The following PCSK2 variants were observed in gnomAD, a reference collection of about 807,000 sequenced individuals.
PCSK2 encodes the protein proprotein convertase subtilisin/kexin type 2, also known as neuroendocrine convertase 2.
Under a neutral mutation model 69.7 loss-of-function variants are expected in PCSK2, and 14 were observed. The observed-to-expected ratio is 0.20, with a 90% confidence interval of 0.13 to 0.31. The LOEUF (loss-of-function observed/expected upper bound fraction) is 0.31, where lower values mean the gene tolerates loss of function less well. PCSK2 is among the 10% of genes least tolerant of loss of function. The pLI, the probability that PCSK2 is intolerant of heterozygous loss-of-function variation, is 1.00. For synonymous variants in PCSK2, 307 were observed against 320.7 expected, an observed-to-expected ratio of 0.96 and a Z score of 0.46; for missense variants, 544 against 842.5, an observed-to-expected ratio of 0.65 and a Z score of 4.39.
chr20:17,226,841 G>T (rs1443324510), upstream of PCSK2: 2 of 143,622 alleles, frequency 1.4e-5, no homozygotes, highest in Admixed American at 1.4e-4. Context: ...GAAGGCGGAG[G>T]CGGCCGGGCC....
intron 2 of PCSK2, among the ~76,000 whole-genome samples, chr20:17,334,690 T>C (rs1233614810): frequency 6.6e-6 from 1 of 152,174 alleles, no homozygotes; most frequent in Non-Finnish European, 1.5e-5. Context: ...AAAATGTTCC[T>C]GCTCTGAGAG....
intron 1 of PCSK2, among the ~76,000 whole-genome samples, chr20:17,234,559 C>T (rs186269946): frequency 6.2e-4 from 94 of 152,224 alleles, no homozygotes; most frequent in African/African-American, 2.0e-3. Context: ...TCCCCAACTT[C>T]GATATTATCA....
At chr20:17,402,151 A>G (rs751915171) in intron 5 of PCSK2, among the ~76,000 whole-genome samples, 4 of 152,224 alleles carry the variant, frequency 2.6e-5, no homozygotes, top group African/African-American at 9.6e-5. Flanking sequence ...TCCTTCCTGC[A>G]ATACAGCTGC....
At chr20:17,288,850 C>G (rs1001697205) in intron 2 of PCSK2, among the ~76,000 whole-genome samples, 2 of 152,180 alleles carry the variant, frequency 1.3e-5, no homozygotes, top group African/African-American at 4.8e-5. Context: ...GTCTATGGTA[C>G]TTTGTTACAG....
chr20:17,303,446 T>C (rs1989171166), intron 2 of PCSK2, among the ~76,000 whole-genome samples: 1 of 54,048 alleles, frequency 1.9e-5, no homozygotes, highest in African/African-American at 7.4e-5. Flanking sequence ...TAATATAATA[T>C]ATATTATATT....
chr20:17,413,338 T>C (rs1429525465), intron 6 of PCSK2, among the ~76,000 whole-genome samples: 1 of 152,008 alleles, frequency 6.6e-6, no homozygotes, highest in Non-Finnish European at 1.5e-5. Context: ...TGGAGGAAGA[T>C]CTACCAAGCA....
At chr20:17,353,237 C>G (rs189287651) in intron 2 of PCSK2, among the ~76,000 whole-genome samples, 1 of 135,298 alleles carries the variant, frequency 7.4e-6, no homozygotes, top group Non-Finnish European at 1.6e-5. Flanking sequence ...CCAAGGCGGG[C>G]GGATCACGAG....
At chr20:17,367,577 G>A (rs753384359) in intron 4 of PCSK2, among the ~76,000 whole-genome samples, 1 of 152,176 alleles carries the variant, frequency 6.6e-6, no homozygotes, top group Non-Finnish European at 1.5e-5. Context: ...TTGCTGGGGG[G>A]ATGTTTCTTG....
intron 6 of PCSK2, among the ~76,000 whole-genome samples, chr20:17,414,973 C>G (rs920602068): frequency 1.3e-5 from 2 of 152,152 alleles, no homozygotes; most frequent in African/African-American, 4.8e-5. Context: ...AGGCCTTTGA[C>G]AAAATTCAAC....
intron 11 of PCSK2, among the ~76,000 whole-genome samples, chr20:17,476,036 A>T (rs2033283178): frequency 6.6e-6 from 1 of 152,228 alleles, no homozygotes; most frequent in East Asian, 1.9e-4. Flanking sequence ...GGAAAGCCCG[A>T]TTCTGGGCCT....
chr20:17,455,639 C>A (rs1033230055), intron 9 of PCSK2, among the ~76,000 whole-genome samples: 1 of 152,202 alleles, frequency 6.6e-6, no homozygotes, highest in Non-Finnish European at 1.5e-5. Flanking sequence ...GATGAAGTGG[C>A]CTTTGGCCTT....
At chr20:17,272,631 A>C (rs1987914667) in intron 2 of PCSK2, among the ~76,000 whole-genome samples, 1 of 152,102 alleles carries the variant, frequency 6.6e-6, no homozygotes, top group African/African-American at 2.4e-5. Context: ...GAAAAAAGTT[A>C]AATAGTACAA....
chr20:17,249,327 A>G (rs953978734), intron 1 of PCSK2, among the ~76,000 whole-genome samples: 1 of 152,070 alleles, frequency 6.6e-6, no homozygotes, highest in Admixed American at 6.5e-5. Context: ...TAACATGGTG[A>G]AACCCCGTCT....
intron 8 of PCSK2, among the ~76,000 whole-genome samples, chr20:17,450,694 T>C (rs2032805914): frequency 6.6e-6 from 1 of 152,112 alleles, no homozygotes; most frequent in African/African-American, 2.4e-5. Flanking sequence ...CTGTATCTCA[T>C]AGAGGGGACA....
intron 2 of PCSK2, among the ~76,000 whole-genome samples, chr20:17,287,433 G>C (rs1336637174): frequency 5.6e-5 from 4 of 71,816 alleles, no homozygotes; most frequent in Non-Finnish European, 1.4e-4. Flanking sequence ...GTGCGTGTCT[G>C]TGTGTGTGTG....
At chr20:17,341,131 T>C (rs1156562338) in intron 2 of PCSK2, among the ~76,000 whole-genome samples, 1 of 152,066 alleles carries the variant, frequency 6.6e-6, no homozygotes, top group Non-Finnish European at 1.5e-5. Context: ...TCCCAGCAAC[T>C]TGGGAGGCTG....
At chr20:17,368,264 C>T (rs1206746754) in intron 4 of PCSK2, among the ~76,000 whole-genome samples, 3 of 152,058 alleles carry the variant, frequency 2.0e-5, no homozygotes. Flanking sequence ...AGCTGCTGGG[C>T]CAAGCATACC....
At chr20:17,333,058 A>G (rs893492782) in intron 2 of PCSK2, among the ~76,000 whole-genome samples, 1 of 152,108 alleles carries the variant, frequency 6.6e-6, no homozygotes, top group African/African-American at 2.4e-5. Flanking sequence ...TATTGTATCA[A>G]TGTTAATTTC....
At position 17,227,260 on chromosome 20, in the gene PCSK2, G is replaced by T. The variant is rs374823206; in HGVS notation, c.-46G>T. 64 of 1,490,154 alleles carry T rather than the reference G, an allele frequency of 4.3e-5. No individual in the cohort carries two copies. Among genetic ancestry groups the T allele is most frequent in the Non-Finnish European group, 5.6e-5 (60 of 1,070,874 alleles). The allele number at this position is 1,490,154 out of a possible 1,614,324, so 92.3% of individuals were successfully genotyped here. ...ACCCTCCCTCCGAGTCCCCTGCTCC[G>T]CCAGCCTGCGCGCCTCCTAGCACCA... On this transcript the variant is annotated 5_prime_UTR_variant, in exon 1 of 12. Coordinates refer to ENST00000262545, the MANE Select transcript of PCSK2 (RefSeq NM_002594.5).
Sources: allele counts gnomAD v4.1 joint callset (sites outside exome capture counted in the v4.1 genomes callset), GRCh38; gene constraint gnomAD v4.1.1; transcripts MANE v1.5; gene names NCBI Gene and HGNC (gene_info 2026-07-23, HGNC 2026-07-21).